TXLNG: variants seen among roughly 807,000 people sequenced by gnomAD.
The protein encoded by TXLNG is gamma-taxilin.
A neutral mutation model predicts 38.8 loss-of-function variants in TXLNG; 5 were observed. The observed-to-expected ratio is 0.13, with a 90% CI of 0.07 to 0.27. The LOEUF (loss-of-function observed/expected upper bound fraction) is 0.27. TXLNG is among the 10% of genes least tolerant of loss of function. TXLNG has a pLI of 1.00. For missense variants in TXLNG, 393 were observed against 398.2 expected, an observed-to-expected ratio of 0.99 and a Z score of 0.11; for synonymous variants, 182 against 158.2, an observed-to-expected ratio of 1.15 and a Z score of -1.13.
intron 1 of TXLNG, among the ~76,000 whole-genome samples, chrX:16,810,261 G>A (rs943173488): frequency 3.6e-5 from 4 of 112,036 alleles, no homozygotes; most frequent in African/African-American, 1.3e-4. Context: ...CCAAGAAAAG[G>A]CATCCAGAAT....
rs146795660 is a variant in TXLNG at position 16,796,473 on chromosome X, A to G, written c.102+9884A>G. The stretch of plus-strand genomic sequence containing the variant: ...GGCTGCTTGTTTATCATACCTGCCT[A>G]TAAGATAGTTCTGAGAATTAAATGA... On this transcript the variant is annotated intron_variant, in intron 1 of 9. Transcript: ENST00000380122. 9.9e-4 allele frequency among the ~76,000 whole-genome samples: 111 copies of G among 111,845 alleles called. 1 individual carries two copies. The East Asian group carries it at 0.024, about 24-fold the overall frequency.
chrX:16,788,585 C>G (rs1302151739), intron 1 of TXLNG, among the ~76,000 whole-genome samples: 1 of 110,839 alleles, frequency 9.0e-6, no homozygotes, highest in African/African-American at 3.3e-5. Context: ...GTAGTACCAC[C>G]TAGTCAGGAG....
chrX:16,795,085 G>C (rs1927833479), intron 1 of TXLNG, among the ~76,000 whole-genome samples: 1 of 110,083 alleles, frequency 9.1e-6, no homozygotes, highest in South Asian at 3.9e-4. Context: ...AGACCATCCT[G>C]GCTAAGATGG....
In TXLNG at chrX:16,829,795, C is replaced by T. The variant is rs753978247; in HGVS notation, c.864+25C>T. 1.9e-5 allele frequency: 23 copies of T among 1,179,695 alleles called. No homozygotes were observed. In the African/African-American group the frequency reaches 2.1e-4, roughly 11 times the overall value. On this transcript the variant is annotated intron_variant, in intron 5 of 9. Coordinates refer to ENST00000380122, the MANE Select transcript of TXLNG (RefSeq NM_018360.3). ...GGTAATGGCATTTGGTTTATTTAAA[C>T]GGCTTCTCAAGATTAGCAAAAGTGT...
At chrX:16,786,744 T>G (rs750108461) in intron 1 of TXLNG, among the ~76,000 whole-genome samples, 155 bp downstream of exon 1, 13 of 6,683 alleles carry the variant, frequency 1.9e-3, no homozygotes, top group East Asian at 3.8e-3. Context: ...TGGGAGCAGG[T>G]GGGGGGGGGT....
At position 16,843,733 on chromosome X, in the gene TXLNG, C is replaced by T. The variant is rs1015426493; in HGVS notation, c.*1967C>T. On this transcript the variant is annotated 3_prime_UTR_variant, in exon 10 of 10. Coordinates refer to ENST00000380122, the MANE Select transcript of TXLNG (RefSeq NM_018360.3). ...AAATCTTGGGCCTGTTGCATACTTC[C>T]AAGGGCTTTAAAGCAATGTGATTAA... is the stretch of plus-strand genomic sequence containing the variant. The T allele has an allele frequency of 2.7e-5, 3 of 112,045 alleles. No individual in the cohort carries two copies. Among genetic ancestry groups the T allele is most frequent in the Non-Finnish European group, 5.6e-5 (3 of 53,239 alleles). The allele number at this position is 112,045 out of a possible 1,213,427, so 9.2% of individuals were successfully genotyped here.
chrX:16,831,110 A>C (rs1437017779), intron 5 of TXLNG, among the ~76,000 whole-genome samples: 1 of 111,904 alleles, frequency 8.9e-6, no homozygotes, highest in Non-Finnish European at 1.9e-5. Context: ...GGATTTAAGT[A>C]TAACCATAAT....
At chrX:16,832,942 CTGTT>C (rs1187919613) in intron 6 of TXLNG, among the ~76,000 whole-genome samples, 200 bp downstream of exon 6, 1 of 111,918 alleles carries the variant, frequency 8.9e-6, no homozygotes, top group Non-Finnish European at 1.9e-5. Flanking sequence ...AAGCATTTGG[CTGTT>C]TATTTCTATT....
At chrX:16,787,908 A>G (rs1927556509) in intron 1 of TXLNG, among the ~76,000 whole-genome samples, 1 of 112,587 alleles carries the variant, frequency 8.9e-6, no homozygotes, top group Non-Finnish European at 1.9e-5. Flanking sequence ...GCAGAGTGTT[A>G]AGAATTAGCT....
intron 6 of TXLNG, among the ~76,000 whole-genome samples, chrX:16,832,946 TTATTTC>T (rs767139656): frequency 2.7e-5 from 3 of 112,168 alleles, no homozygotes; most frequent in African/African-American, 6.5e-5. Flanking sequence ...ATTTGGCTGT[TTATTTC>T]TATTTAACCT....
At chrX:16,793,975 T>C (rs1927789860) in intron 1 of TXLNG, among the ~76,000 whole-genome samples, 2 of 112,132 alleles carry the variant, frequency 1.8e-5, no homozygotes, top group Non-Finnish European at 1.9e-5. Context: ...TCAAATATTA[T>C]AACAGTTCTG....
At chrX:16,836,179 G>C (rs1321628770) in intron 7 of TXLNG, among the ~76,000 whole-genome samples, 4 of 112,040 alleles carry the variant, frequency 3.6e-5, no homozygotes, top group Non-Finnish European at 7.5e-5. Flanking sequence ...GATTGCTTGA[G>C]CCCAAGAGGG....
At chrX:16,814,796 G>C (rs1346987515) in intron 1 of TXLNG, among the ~76,000 whole-genome samples, 1 of 111,853 alleles carries the variant, frequency 8.9e-6, no homozygotes, top group Admixed American at 9.6e-5. Flanking sequence ...GGTTATGAAA[G>C]TGTTGCAAAG....
At chrX:16,796,547 G>T (rs1455153213) in intron 1 of TXLNG, among the ~76,000 whole-genome samples, 1 of 112,111 alleles carries the variant, frequency 8.9e-6, no homozygotes, top group Admixed American at 9.5e-5. Flanking sequence ...ATGAGCCAGA[G>T]CAATGAAGGT....
chrX:16,802,692 T>C (rs1928152104), intron 1 of TXLNG, among the ~76,000 whole-genome samples: 1 of 111,693 alleles, frequency 9.0e-6, no homozygotes, highest in African/African-American at 3.2e-5. Flanking sequence ...GTAAGTATGA[T>C]ACTGTGATAT....
chrX:16,807,363 C>T (rs1034029581), intron 1 of TXLNG, among the ~76,000 whole-genome samples: 1 of 111,991 alleles, frequency 8.9e-6, no homozygotes, highest in African/African-American at 3.2e-5. Flanking sequence ...TTTGAACTTG[C>T]ATTTTCCAAA....
At chrX:16,805,667 G>A (rs1307674265) in intron 1 of TXLNG, among the ~76,000 whole-genome samples, 4 of 111,939 alleles carry the variant, frequency 3.6e-5, no homozygotes, top group Non-Finnish European at 7.5e-5. Flanking sequence ...TCCCATGTAT[G>A]GGTCTGTGTG....
At chrX:16,817,612 G>T (rs925067420) in intron 1 of TXLNG, among the ~76,000 whole-genome samples, 1 of 112,009 alleles carries the variant, frequency 8.9e-6, no homozygotes, top group African/African-American at 3.2e-5. Flanking sequence ...TTCATACAGA[G>T]AGTAAATGCA....
chrX:16,809,825 A>G (rs1051601019), intron 1 of TXLNG, among the ~76,000 whole-genome samples: 14 of 111,969 alleles, frequency 1.3e-4, no homozygotes, highest in African/African-American at 3.9e-4. Flanking sequence ...GCGTATACAA[A>G]ATATACAGTA....
Sources: allele counts gnomAD v4.1 joint callset (sites outside exome capture counted in the v4.1 genomes callset), GRCh38; gene constraint gnomAD v4.1.1; transcripts MANE v1.5; gene names NCBI Gene and HGNC (gene_info 2026-07-23, HGNC 2026-07-21).